Variants in ZFHX3 observed in about 807,000 individuals in gnomAD.
The protein encoded by ZFHX3 is zinc finger homeobox protein 3.
A neutral mutation model predicts 279.1 loss-of-function variants in ZFHX3; 42 were observed. The observed-to-expected ratio is 0.15, with a 90% CI of 0.12 to 0.19. The LOEUF (loss-of-function observed/expected upper bound fraction) is 0.19, where lower values mean the gene tolerates loss of function less well. ZFHX3 is among the 10% of genes least tolerant of loss of function. ZFHX3 has a pLI of 1.00. For synonymous variants in ZFHX3, 2,293 were observed against 1,957.8 expected (o/e 1.17, Z -4.52); for missense variants, 4,981 against 4,754.0 (o/e 1.05, Z -1.40).
intron 2 of ZFHX3, among the ~76,000 whole-genome samples, chr16:73,498,932 GATTCCAC>G (rs1261626042): frequency 6.6e-6 from 1 of 152,158 alleles, no homozygotes; most frequent in African/African-American, 2.4e-5. Flanking sequence ...GGTGCTGGAA[GATTCCAC>G]AAGGTAAGAA....
chr16:73,328,559 C>T lies in ZFHX3; in HGVS notation c.-1290-10223G>A, dbSNP rs142913769. On this transcript the variant is annotated intron_variant, in intron 3 of 17. Transcript: ENST00000641206. ...AGATTCAGAGAAGCCCCATAACTTG[C>T]CTAAGACCACATAGCTAGAAGTTAA... Among the ~76,000 whole-genome samples the T allele has an allele frequency of 6.9e-3, 1,058 of 152,256 alleles. 14 individuals are homozygous for T. Among genetic ancestry groups the T allele is most frequent in the African/African-American group, 0.024 (978 of 41,532 alleles).
At chr16:73,400,252 G>C (rs2017222728) in intron 3 of ZFHX3, 1 of 152,156 alleles carries the variant, frequency 6.6e-6, no homozygotes, top group Admixed American at 6.5e-5. Flanking sequence ...GCAAGTTTCC[G>C]CATGAACAAG....
At chr16:72,840,264 G>T (rs139666225) in intron 4 of ZFHX3, among the ~76,000 whole-genome samples, 191 of 152,302 alleles carry the variant, frequency 1.3e-3, no homozygotes, top group African/African-American at 4.6e-3. Context: ...AAATGAACAG[G>T]ATGTACCAGA....
chr16:73,368,835 G>T (rs1212926338), intron 3 of ZFHX3, among the ~76,000 whole-genome samples: 1 of 152,114 alleles, frequency 6.6e-6, no homozygotes, highest in Non-Finnish European at 1.5e-5. Context: ...ACTCATGGAG[G>T]CAATTATTAC....
intron 5 of ZFHX3, among the ~76,000 whole-genome samples, chr16:73,191,835 C>T (rs973420439): frequency 2.0e-5 from 3 of 152,218 alleles, no homozygotes; most frequent in Non-Finnish European, 4.4e-5. Flanking sequence ...AAAAGCTGGC[C>T]TCTCTGGCTT....
chr16:73,824,270 G>A (rs551512942), intron 1 of ZFHX3, among the ~76,000 whole-genome samples: 1 of 151,870 alleles, frequency 6.6e-6, no homozygotes, highest in Non-Finnish European at 1.5e-5. Context: ...GGACAGAGTT[G>A]CTTGAAGCAT....
chr16:73,445,107 C>G (rs1466422094), intron 3 of ZFHX3, among the ~76,000 whole-genome samples: 1 of 151,704 alleles, frequency 6.6e-6, no homozygotes, highest in Admixed American at 6.6e-5. Flanking sequence ...TGCACTTCAG[C>G]CTGGGTGACA....
At chr16:73,589,106 A>G (rs2051960840) in intron 2 of ZFHX3, among the ~76,000 whole-genome samples, 2 of 151,216 alleles carry the variant, frequency 1.3e-5, no homozygotes, top group South Asian at 2.1e-4. Flanking sequence ...TAAAAATACA[A>G]AAAATTACCT....
At chr16:72,991,298 A>T (rs1963080181) in intron 1 of ZFHX3, among the ~76,000 whole-genome samples, 1 of 152,184 alleles carries the variant, frequency 6.6e-6, no homozygotes, top group Non-Finnish European at 1.5e-5. Context: ...GTAGGTAGAG[A>T]AAAAAACATA....
At chr16:73,024,843 C>T (rs1410167184) in intron 1 of ZFHX3, among the ~76,000 whole-genome samples, 3 of 152,218 alleles carry the variant, frequency 2.0e-5, no homozygotes, top group Non-Finnish European at 2.9e-5. Context: ...GAGGGTCTGG[C>T]TGTGCCGGAT....
intron 1 of ZFHX3, among the ~76,000 whole-genome samples, chr16:73,798,767 C>A (rs572103180): frequency 2.6e-5 from 4 of 152,312 alleles, no homozygotes; most frequent in Non-Finnish European, 5.9e-5. Flanking sequence ...CCACAGGGTG[C>A]TTAAGCCCTT....
In ZFHX3 at chr16:72,794,932, G is replaced by C. The variant is rs145379540; in HGVS notation, c.7750C>G (p.Leu2584Val). 1 of 1,614,164 alleles carries C rather than the reference G, an allele frequency of 6.2e-7. No individual in the cohort carries two copies. Among genetic ancestry groups the C allele is most frequent in the Admixed American group, 1.7e-5 (1 of 60,024 alleles). Residue 2584 changes from leucine (L) to valine (V), a missense_variant, in exon 9 of 10, where the codon CTG (leucine) becomes GTG (valine). Around this residue, in one of 7 missense-constraint regions of ZFHX3, gnomAD observed 744 missense variants for 701.3 expected, o/e 1.06. Coordinates refer to ENST00000268489, the MANE Select transcript of ZFHX3 (RefSeq NM_006885.4). The surrounding 1 kb of genome is among the most constrained non-coding windows in gnomAD (Gnocchi z 4.2). ...GCCCCAGAGAGCAGCTGGCTGGCCA[G>C]GAGTGGGTTACTGGGATCAAAGAGC... ...FMLFDPSNPL[L>V]ASQLLSGAIP...
At chr16:73,515,558 AAG>A (rs1405058944) in intron 2 of ZFHX3, among the ~76,000 whole-genome samples, 1 of 135,080 alleles carries the variant, frequency 7.4e-6, no homozygotes, top group South Asian at 2.1e-4. Context: ...GAGGGAGAGA[AAG>A]AGAGAGAAAG....
chr16:73,665,397 A>G (rs1408979809), intron 2 of ZFHX3, among the ~76,000 whole-genome samples: 2 of 151,752 alleles, frequency 1.3e-5, no homozygotes, highest in African/African-American at 4.9e-5. Flanking sequence ...TATTTTTAGT[A>G]GAGACGGGGT....
intron 4 of ZFHX3, among the ~76,000 whole-genome samples, chr16:73,295,029 A>T (rs8046899): frequency 6.6e-6 from 1 of 151,852 alleles, no homozygotes; most frequent in Non-Finnish European, 1.5e-5. Context: ...CTGGCTAACA[A>T]GGTGAAACCA....
chr16:73,445,955 C>G (rs1010758512), intron 3 of ZFHX3, among the ~76,000 whole-genome samples: 1 of 152,194 alleles, frequency 6.6e-6, no homozygotes, highest in Non-Finnish European at 1.5e-5. Flanking sequence ...ATAATGTTCT[C>G]TTTATGATCA....
chr16:73,350,419 G>A (rs1243052560), intron 3 of ZFHX3, among the ~76,000 whole-genome samples: 1 of 152,164 alleles, frequency 6.6e-6, no homozygotes, highest in African/African-American at 2.4e-5. Flanking sequence ...AAATGGATAT[G>A]TGGAGTGGTT....
intron 3 of ZFHX3, among the ~76,000 whole-genome samples, chr16:73,372,883 C>T (rs193041205): frequency 2.3e-3 from 351 of 152,280 alleles, no homozygotes; most frequent in African/African-American, 7.2e-3. Flanking sequence ...CACCTACATC[C>T]GAAACATACA....
chr16:73,717,954 T>C (rs566080396), intron 1 of ZFHX3, among the ~76,000 whole-genome samples: 1 of 152,326 alleles, frequency 6.6e-6, no homozygotes, highest in African/African-American at 2.4e-5. Flanking sequence ...GCCTGTTTGC[T>C]CTTGGTTACA....
Sources: gnomAD v4.1 joint callset for allele counts (sites outside exome capture counted in the v4.1 genomes callset) on GRCh38, gnomAD v4.1.1 for gene constraint, gnomAD v4.1.1 regional missense constraint, Gnocchi (gnomAD v3.1) non-coding constraint, MANE v1.5 for transcripts, NCBI Gene and HGNC (gene_info 2026-07-23, HGNC 2026-07-21) for gene names.